Variants in DMD observed in about 807,000 individuals in gnomAD.
DMD encodes the protein mutant dystrophin.
DMD carries 63 observed loss-of-function variants against 330.1 expected under a neutral mutation model. The ratio of observed to expected loss-of-function variants is 0.19; its 90% confidence interval spans 0.16 to 0.24. The LOEUF is 0.24. Ranked by LOEUF, DMD falls within the 10% of genes least tolerant of loss-of-function variation. The probability of loss-of-function intolerance (pLI) is 1.00; values close to 1 mark genes in which losing one functional copy is unlikely to be tolerated. For missense variants in DMD, 3,344 were observed against 2,684.1 expected, an observed-to-expected ratio of 1.25 and a Z score of -5.43; for synonymous variants, 1,223 against 959.8, an observed-to-expected ratio of 1.27 and a Z score of -5.07.
chrX:31,551,247 T>C (rs184666357), intron 55 of DMD, among the ~76,000 whole-genome samples: 1 of 108,706 alleles, frequency 9.2e-6, no homozygotes, highest in Admixed American at 9.9e-5. Context: ...GGCTCAATGC[T>C]GTTGGGGATG....
chrX:33,050,081 C>G (rs1156431381), intron 1 of DMD, among the ~76,000 whole-genome samples: 2 of 108,656 alleles, frequency 1.8e-5, no homozygotes, highest in Non-Finnish European at 3.8e-5. Context: ...GTTTTTTTTT[C>G]CAGCACTGAA....
At chrX:33,023,724 T>A (rs1183937899) in intron 1 of DMD, among the ~76,000 whole-genome samples, 1 of 111,711 alleles carries the variant, frequency 9.0e-6, no homozygotes, top group Non-Finnish European at 1.9e-5. Context: ...ATATTGGTAA[T>A]TCTTAAACAT....
At chrX:32,999,800 A>AAAAAC (rs2093229674) in intron 2 of DMD, among the ~76,000 whole-genome samples, 4 of 79,904 alleles carry the variant, frequency 5.0e-5, no homozygotes, top group Middle Eastern at 5.9e-3. Flanking sequence ...AAACAAAAAC[A>AAAAAC]AAAAACAAAA....
At chrX:32,883,466 T>TA (rs1340731275) in intron 2 of DMD, among the ~76,000 whole-genome samples, 1 of 111,162 alleles carries the variant, frequency 9.0e-6, no homozygotes, top group South Asian at 3.8e-4. Context: ...ATTTTCCTTT[T>TA]AAAAAATTGT....
chrX:31,352,610 A>C (rs1602092094), intron 60 of DMD, among the ~76,000 whole-genome samples: 1 of 112,046 alleles, frequency 8.9e-6, no homozygotes, highest in Non-Finnish European at 1.9e-5. Flanking sequence ...GTGTACATTC[A>C]ATATTGTCAA....
intron 2 of DMD, among the ~76,000 whole-genome samples, chrX:32,983,677 G>T (rs963087465): frequency 9.1e-6 from 1 of 110,123 alleles, no homozygotes; most frequent in Non-Finnish European, 1.9e-5. Flanking sequence ...ATTAACTTTA[G>T]GGAAAAAATG....
intron 44 of DMD, among the ~76,000 whole-genome samples, chrX:32,040,066 C>A (rs1429047006): frequency 1.8e-5 from 2 of 111,974 alleles, no homozygotes; most frequent in Non-Finnish European, 3.8e-5. Flanking sequence ...ATAAAATATA[C>A]AATCAAAATA....
At chrX:32,773,608 C>A (rs1265432150) in intron 7 of DMD, among the ~76,000 whole-genome samples, 1 of 105,871 alleles carries the variant, frequency 9.4e-6, no homozygotes, top group African/African-American at 3.6e-5. Flanking sequence ...TCATCCCACT[C>A]TCTATCTCCA....
chrX:32,349,616 G>A (rs2097775182), intron 37 of DMD, among the ~76,000 whole-genome samples: 2 of 111,250 alleles, frequency 1.8e-5, no homozygotes, highest in Non-Finnish European at 3.8e-5. Flanking sequence ...GAACAATACG[G>A]ATAAGTGTAG....
chrX:32,713,574 C>G (rs1401408360), intron 7 of DMD, among the ~76,000 whole-genome samples: 1 of 111,894 alleles, frequency 8.9e-6, no homozygotes, highest in Non-Finnish European at 1.9e-5. Context: ...ATAGTAACTA[C>G]TTCCTACTAT....
At chrX:33,234,705 C>T (rs746715097) in intron 1 of DMD, among the ~76,000 whole-genome samples, 5 of 111,845 alleles carry the variant, frequency 4.5e-5, no homozygotes, top group South Asian at 3.7e-4. Context: ...TTATCATCTA[C>T]GTGACCTAAG....
chrX:32,801,201 T>C (rs138987256), intron 7 of DMD, among the ~76,000 whole-genome samples: 11 of 111,694 alleles, frequency 9.8e-5, no homozygotes, highest in African/African-American at 3.6e-4. Context: ...TTCCTGACTT[T>C]TTGATGATCA....
At chrX:32,663,897 T>A (rs1215255518) in intron 9 of DMD, among the ~76,000 whole-genome samples, 2 of 111,306 alleles carry the variant, frequency 1.8e-5, no homozygotes, top group East Asian at 2.8e-4. Context: ...TGCGGTGGAA[T>A]GAGAGACGGT....
intron 43 of DMD, among the ~76,000 whole-genome samples, chrX:32,231,483 G>A (rs1398513072): frequency 9.0e-6 from 1 of 111,705 alleles, no homozygotes; most frequent in Non-Finnish European, 1.9e-5. Context: ...CCTTTTACAT[G>A]GGACTCATTT....
At chrX:32,880,885 G>A (rs1187929725) in intron 2 of DMD, among the ~76,000 whole-genome samples, 2 of 112,578 alleles carry the variant, frequency 1.8e-5, no homozygotes, top group Non-Finnish European at 3.8e-5. Context: ...CGGAGGTTGC[G>A]GTGAGCCGAT....
At chrX:31,877,558 T>A (rs949457084) in intron 47 of DMD, among the ~76,000 whole-genome samples, 26 of 111,829 alleles carry the variant, frequency 2.3e-4, no homozygotes, top group African/African-American at 8.1e-4. Context: ...AAGCATTGTG[T>A]TTCAGATAGC....
At chrX:32,255,630 A>G (rs933418545) in intron 43 of DMD, among the ~76,000 whole-genome samples, 6 of 111,964 alleles carry the variant, frequency 5.4e-5, no homozygotes, top group African/African-American at 1.9e-4. Flanking sequence ...TCATGTTGGG[A>G]AATAGAAACA....
At chrX:32,072,719 G>C (rs2096310070) in intron 44 of DMD, among the ~76,000 whole-genome samples, 1 of 111,786 alleles carries the variant, frequency 8.9e-6, no homozygotes, top group Non-Finnish European at 1.9e-5. Context: ...TTCCTTAATA[G>C]AAACCTAAGA....
intron 57 of DMD, among the ~76,000 whole-genome samples, chrX:31,488,628 A>G (rs965807194): frequency 4.5e-5 from 5 of 111,628 alleles, no homozygotes; most frequent in African/African-American, 1.6e-4. Context: ...TCCACATTCT[A>G]TCTATCTTAA....
Sources: gnomAD v4.1 joint callset for allele counts (sites outside exome capture counted in the v4.1 genomes callset) on GRCh38, gnomAD v4.1.1 for gene constraint, MANE v1.5 for transcripts, NCBI Gene and HGNC (gene_info 2026-07-23, HGNC 2026-07-21) for gene names.